The following SZT2 variants were observed in gnomAD, a reference collection of about 807,000 sequenced individuals.
The protein encoded by SZT2 is KICSTOR complex protein SZT2.
Under a neutral mutation model 404.2 loss-of-function variants are expected in SZT2, and 216 were observed. The ratio of observed to expected loss-of-function variants is 0.53; its 90% CI spans 0.48 to 0.60. SZT2 has a LOEUF of 0.60. Among genes scored for constraint, SZT2 ranks in the 20% least tolerant of loss-of-function variants. The pLI is 0.00. For missense variants in SZT2, 3,857 were observed against 4,459.2 expected (o/e 0.86, Z 3.85); for synonymous variants, 1,693 against 1,749.9 (o/e 0.97, Z 0.81).
chr1:43,441,986 C>A lies in SZT2; in HGVS notation c.7743-14C>A. 1 of 1,607,732 alleles carries A rather than the reference C, an allele frequency of 6.2e-7. No individual in the cohort carries two copies. Among genetic ancestry groups the A allele is most frequent in the Middle Eastern group, 1.7e-4 (1 of 6,032 alleles). The stretch of plus-strand genomic sequence containing the variant: ...GTCATGGATGGCCTTTCTGTCTGTC[C>A]TCCCTTTCAATAGGGGTTCAGAGCC... On this transcript the variant is annotated splice_polypyrimidine_tract_variant and intron_variant, in intron 55 of 71. Transcript: ENST00000634258. The surrounding 1 kb of genome is among the most constrained non-coding windows in gnomAD (Gnocchi z 4.8).
chr1:43,454,180 T>A lies in SZT2; in HGVS notation c.*3700T>A, dbSNP rs1656777246. On this transcript the variant is annotated 3_prime_UTR_variant, in exon 72 of 72. Transcript: ENST00000634258. ...TGAGTCTTTCCTCTGATTATAAAAA[T>A]GCTATCTGTTCGTTAAGCAACATTT... 3.2e-6 allele frequency: 1 copy of A among 315,850 alleles called. No homozygotes were observed. Among genetic ancestry groups the A allele is most frequent in the Non-Finnish European group, 4.7e-6 (1 of 213,610 alleles). 19.6% of individuals were successfully genotyped at this position (315,850 alleles called of 1,614,324 possible).
chr1:43,401,371 A>T (rs1401929946), intron 1 of SZT2, among the ~76,000 whole-genome samples: 1 of 152,192 alleles, frequency 6.6e-6, no homozygotes, highest in Non-Finnish European at 1.5e-5. Context: ...AGGTGATACA[A>T]CCTTTCCACT....
Position 43,429,724 on chromosome 1 carries a change from C to T in SZT2, c.4188C>T (p.Ser1396=), listed in dbSNP as rs138401303. The T allele has an allele frequency of 3.0e-5, 49 of 1,614,050 alleles. No homozygotes were observed. The African/African-American group carries it at 3.6e-4, about 12-fold the overall frequency. Residue 1396 remains serine (S), a synonymous_variant, in exon 29 of 72, where the codon AGC becomes AGT. Transcript: ENST00000634258. ...TCAGCATAGAGACCGAGGACCTAAG[C>T]GAGCCTGAGTTTCAGAGCACCCGTG... is the stretch of plus-strand genomic sequence containing the variant. ...SESSIETEDL[S]EPEFQSTRVP...
rs755342620 is a variant in SZT2, at chr1:43,441,709, T to C, written c.7633T>C (p.Ser2545Pro). Residue 2545 changes from serine to proline, a missense_variant, in exon 55 of 72, where the codon TCT becomes CCT. Physicochemically the swap from Ser to Pro is moderately conservative, Grantham distance 74 (BLOSUM62 -1). This residue lies in a region of SZT2 where 573 missense variants were observed against 592.4 expected (regional missense o/e 0.97). Coordinates refer to ENST00000634258, the MANE Select transcript of SZT2 (RefSeq NM_001365999.1). This position sits in a 1 kb window ranked among gnomAD's most constrained non-coding sequence, Gnocchi z 4.8. The stretch of plus-strand genomic sequence containing the variant: ...AGGTTGTGCCTCAGTGTCCAGAAGC[T>C]CTGCCCACATGGTGTCCCGGTTCCT... ...QIGCASVSRS[S>P]AHMVSRFLLP... 6.2e-7 allele frequency: 1 copy of C among 1,614,208 alleles called. No individual in the cohort carries two copies. The highest frequency in any genetic ancestry group is 2.2e-5 in the East Asian group (1 of 44,874).
Position 43,426,752 on chromosome 1 carries a change from G to T in SZT2, c.3252G>T (p.Pro1084=). Reference sequence around the variant, plus strand: ...CACTGCTGGGGGTTCATGGGATCCCGAAGGAGCAAGCAGTCGGCAGCACCC... The same window carrying T: ...CACTGCTGGGGGTTCATGGGATCCCTAAGGAGCAAGCAGTCGGCAGCACCC... ...EGPLLGVHGI[P]KEQAVGSTQA... is the part of the protein sequence containing the mutation. The change falls in exon 23 of 72, where the codon CCG becomes CCT. Residue 1084 remains proline (P), a synonymous_variant. Transcript: ENST00000634258. The surrounding 1 kb of genome is among the most constrained non-coding windows in gnomAD (Gnocchi z 4.9). 6.2e-7 allele frequency: 1 copy of T among 1,613,532 alleles called. No homozygotes were observed. Among genetic ancestry groups the T allele is most frequent in the South Asian group, 1.1e-5 (1 of 90,892 alleles).
rs1442343981 is a variant in SZT2 at position 43,453,717 on chromosome 1, G to A, written c.*3237G>A. ...GGCCTCGAAGCCCGAGCTGCCCGCG[G>A]CCCGCACCCGCGCGGGGAGGCCGGA... On this transcript the variant is annotated 3_prime_UTR_variant, in exon 72 of 72. Coordinates refer to ENST00000634258, the MANE Select transcript of SZT2 (RefSeq NM_001365999.1). The A allele has an allele frequency of 2.1e-6, 3 of 1,396,054 alleles. No individual in the cohort carries two copies. The highest frequency in any genetic ancestry group is 3.6e-5 in the Admixed American group (1 of 27,624). 86.5% of individuals were successfully genotyped at this position (1,396,054 alleles called of 1,614,324 possible). A position where few individuals can be genotyped will look rare whatever the true frequency, so the allele number is the denominator to read the frequency against.
At position 43,423,317 on chromosome 1, in the gene SZT2, G is replaced by T. The variant is rs989588546; in HGVS notation, c.2255+1G>T. On this transcript the variant is annotated splice_donor_variant, in intron 15 of 71. Coordinates refer to ENST00000634258, the MANE Select transcript of SZT2 (RefSeq NM_001365999.1). LOFTEE classifies it high-confidence loss of function. ...AGCCACTGGACAAACTGCTCATCAG[G>T]TTGGTACAGAGGTGTGGAAGGGCGT... 1.3e-6 allele frequency: 2 copies of T among 1,536,570 alleles called. No individual in the cohort carries two copies. Among genetic ancestry groups the T allele is most frequent in the Non-Finnish European group, 1.7e-6 (2 of 1,150,684 alleles).
intron 29 of SZT2, 70 bp from the exon 30 acceptor site, chr1:43,429,941 T>C: frequency 1.9e-6 from 3 of 1,612,522 alleles, no homozygotes; most frequent in Non-Finnish European, 1.7e-6. Flanking sequence ...TGTGTCCTGC[T>C]CTAGGGTAGG....
intron 1 of SZT2, among the ~76,000 whole-genome samples, chr1:43,399,058 C>T (rs548060696): frequency 9.9e-5 from 15 of 151,358 alleles, no homozygotes; most frequent in South Asian, 2.1e-4. Context: ...CCAGCCTAGG[C>T]GACAGAGCGA....
At chr1:43,418,450 A>G (rs1287205591) in intron 7 of SZT2, among the ~76,000 whole-genome samples, 1 of 152,172 alleles carries the variant, frequency 6.6e-6, no homozygotes, top group African/African-American at 2.4e-5. Context: ...AAAGAAGTGA[A>G]GATGTCTGCG....
In SZT2 at chr1:43,453,467, C is replaced by T; in HGVS notation, c.*2987C>T. The T allele has an allele frequency of 6.4e-7, 1 of 1,561,952 alleles. No homozygotes were observed. The highest frequency in any genetic ancestry group is 8.7e-7 in the Non-Finnish European group (1 of 1,152,142). On this transcript the variant is annotated 3_prime_UTR_variant, in exon 72 of 72. Coordinates refer to ENST00000634258, the MANE Select transcript of SZT2 (RefSeq NM_001365999.1). ...GGCCGCCTGTCTCCCGGGGACGGCC[C>T]CCAGCCCCATTTCCCCCTTCTCTTG...
In SZT2 at chr1:43,425,859, A is replaced by G; in HGVS notation, c.2839A>G (p.Ile947Val). The G allele has an allele frequency of 3.7e-6, 6 of 1,614,068 alleles. No individual in the cohort carries two copies. The highest frequency in any genetic ancestry group is 5.1e-6 in the Non-Finnish European group (6 of 1,179,992). ...QALHPRDAAC[I>V]GSMLSFEYLI... ...GCTCCACCCACGGGATGCTGCCTGC[A>G]TAGGCTCCATGCTGAGCTTTGAATA... is the stretch of plus-strand genomic sequence containing the variant. Residue 947 changes from isoleucine to valine, a missense_variant, in exon 20 of 72, where the codon ATA becomes GTA. Ile to Val is a conservative substitution (Grantham distance 29, BLOSUM62 3). This residue lies in a region of SZT2 where 1,725 missense variants were observed against 1,881.0 expected (regional missense o/e 0.92). Transcript: ENST00000634258. The surrounding 1 kb of genome is among the most constrained non-coding windows in gnomAD (Gnocchi z 4.3).
chr1:43,427,852 C>A, intron 26 of SZT2, 118 bp downstream of exon 26: 1 of 1,367,622 alleles, frequency 7.3e-7, no homozygotes, highest in Non-Finnish European at 1.0e-6. Context: ...TGGCTCCTTG[C>A]TTGATTTCCC....
In SZT2 at chr1:43,453,702, C is replaced by A. The variant is rs867585712; in HGVS notation, c.*3222C>A. The A allele has an allele frequency of 7.0e-6, 10 of 1,421,342 alleles. No individual in the cohort carries two copies. Among genetic ancestry groups the A allele is most frequent in the Non-Finnish European group, 9.1e-6 (10 of 1,097,520 alleles). 88.0% of individuals were successfully genotyped at this position (1,421,342 alleles called of 1,614,324 possible). A position where few individuals can be genotyped will look rare whatever the true frequency, so the allele number is the denominator to read the frequency against. On this transcript the variant is annotated 3_prime_UTR_variant, in exon 72 of 72. Coordinates refer to ENST00000634258, the MANE Select transcript of SZT2 (RefSeq NM_001365999.1). ...CCAGGCCACCTCGACGGCCTCGAAGCCCGAGCTGCCCGCGGCCCGCACCCG... is the reference window on the plus strand; with the variant it reads ...CCAGGCCACCTCGACGGCCTCGAAGACCGAGCTGCCCGCGGCCCGCACCCG...
Position 43,446,623 on chromosome 1 carries a change from C to T in SZT2, c.9072+207C>T, listed in dbSNP as rs771212197. ...GGCTGACCCCATCGGTCATCCAAAGCGTGTTCAGCTGTAGCCCTGAGGCAG... is the reference window on the plus strand; with the variant it reads ...GGCTGACCCCATCGGTCATCCAAAGTGTGTTCAGCTGTAGCCCTGAGGCAG... On this transcript the variant is annotated intron_variant, in intron 65 of 71. Coordinates refer to ENST00000634258, the MANE Select transcript of SZT2 (RefSeq NM_001365999.1). The T allele has an allele frequency of 6.2e-5, 41 of 665,864 alleles. No homozygotes were observed. Among genetic ancestry groups the T allele is most frequent in the Non-Finnish European group, 9.0e-5 (35 of 388,428 alleles). 41.2% of individuals were successfully genotyped at this position (665,864 alleles called of 1,614,324 possible).
rs760837683 is a variant in SZT2 at position 43,420,274 on chromosome 1, C to T, written c.1212C>T (p.Ser404=). Residue 404 remains serine (S), a synonymous_variant, in exon 9 of 72, where the codon TCC becomes TCT. Transcript: ENST00000634258. The surrounding 1 kb of genome is among the most constrained non-coding windows in gnomAD (Gnocchi z 5.1). ...CAGCCGACTTGGTCAGCACTGTGTC[C>T]GTACGGCTTCGAGAGGGCTACAGTG... The part of the protein sequence containing the change: ...EVPADLVSTV[S]VRLREGYSVR... The T allele has an allele frequency of 1.3e-5, 20 of 1,598,074 alleles. No individual in the cohort carries two copies. Among genetic ancestry groups the T allele is most frequent in the African/African-American group, 2.7e-5 (2 of 74,922 alleles).
rs1656471060 is a variant in SZT2, at chr1:43,451,858, A to G, written c.*1378A>G. On this transcript the variant is annotated 3_prime_UTR_variant, in exon 72 of 72. Coordinates refer to ENST00000634258, the MANE Select transcript of SZT2 (RefSeq NM_001365999.1). The stretch of plus-strand genomic sequence containing the variant: ...GTAAGATGGCTGCCGCTGTAAGAGA[A>G]GCCAGGGAGGGGACCGTGAGCCTCA... 1 of 1,614,072 alleles carries G rather than the reference A, an allele frequency of 6.2e-7. No homozygotes were observed. The highest frequency in any genetic ancestry group is 8.5e-7 in the Non-Finnish European group (1 of 1,179,986).
intron 1 of SZT2, chr1:43,394,098 C>G: frequency 1.0e-6 from 1 of 984,840 alleles, no homozygotes; most frequent in Non-Finnish European, 1.2e-6. Context: ...ACTTGAAGCT[C>G]CATGTGAGTG....
At position 43,425,328 on chromosome 1, in the gene SZT2, G is replaced by C; in HGVS notation, c.2645+121G>C. 2 of 1,502,742 alleles carry C rather than the reference G, an allele frequency of 1.3e-6. No homozygotes were observed. Among genetic ancestry groups the C allele is most frequent in the Non-Finnish European group, 1.8e-6 (2 of 1,095,774 alleles). The allele number at this position is 1,502,742 out of a possible 1,614,324, so 93.1% of individuals were successfully genotyped here. A position where few individuals can be genotyped will look rare whatever the true frequency, so the allele number is the denominator to read the frequency against. ...ATCCCAAAGTCAGGGAGGGGGTGCG[G>C]TGTTTAGATGCTTCATCAGGCAGAC... On this transcript the variant is annotated intron_variant, in intron 18 of 71. Transcript: ENST00000634258. The surrounding 1 kb of genome is among the most constrained non-coding windows in gnomAD (Gnocchi z 4.3).
Sources: gnomAD v4.1 joint callset for allele counts (sites outside exome capture counted in the v4.1 genomes callset) on GRCh38, gnomAD v4.1.1 for gene constraint, gnomAD v4.1.1 regional missense constraint, Gnocchi (gnomAD v3.1) non-coding constraint, MANE v1.5 for transcripts, NCBI Gene and HGNC (gene_info 2026-07-23, HGNC 2026-07-21) for gene names.